The following NCKAP1 variants were observed in gnomAD, a reference collection of about 807,000 sequenced individuals.
NCKAP1 encodes the protein NCK associated protein 1.
A neutral mutation model predicts 151.2 loss-of-function variants in NCKAP1; 21 were observed. The observed-to-expected ratio is 0.14, with a 90% CI of 0.10 to 0.20. NCKAP1 has a LOEUF of 0.20. NCKAP1 is among the 10% of genes least tolerant of loss of function. The pLI, the probability that NCKAP1 is intolerant of heterozygous loss-of-function variation, is 1.00. For synonymous variants in NCKAP1, 484 were observed against 451.8 expected (o/e 1.07, Z -0.90); for missense variants, 933 against 1,352.1 (o/e 0.69, Z 4.86).
intron 12 of NCKAP1, among the ~76,000 whole-genome samples, 169 bp downstream of exon 12, chr2:182,982,652 T>C (rs940741146): frequency 3.9e-5 from 6 of 152,176 alleles, no homozygotes; most frequent in East Asian, 1.9e-4. Flanking sequence ...TCTGAGCACA[T>C]TGAAGGTAGG....
At chr2:182,976,300 C>G (rs1697822225) in intron 15 of NCKAP1, among the ~76,000 whole-genome samples, 1 of 152,126 alleles carries the variant, frequency 6.6e-6, no homozygotes, top group Admixed American at 6.6e-5. Flanking sequence ...AATGAACACT[C>G]TAAGTCTAAT....
At chr2:182,971,211 G>A (rs570591252) in intron 15 of NCKAP1, among the ~76,000 whole-genome samples, 6 of 151,100 alleles carry the variant, frequency 4.0e-5, no homozygotes, top group East Asian at 1.9e-4. Context: ...CGGCTAAAAC[G>A]GTGAAACCCC....
chr2:182,918,016 T>G lies in NCKAP1; in HGVS notation c.*7686A>C, dbSNP rs891862244. 1 of 152,024 alleles carries G rather than the reference T, an allele frequency of 6.6e-6. No individual in the cohort carries two copies. Among genetic ancestry groups the G allele is most frequent in the African/African-American group, 2.4e-5 (1 of 41,390 alleles). 9.4% of individuals were successfully genotyped at this position (152,024 alleles called of 1,614,324 possible). A position where few individuals can be genotyped will look rare whatever the true frequency, so the allele number is the denominator to read the frequency against. On this transcript the variant is annotated 3_prime_UTR_variant, in exon 31 of 31. Transcript: ENST00000361354. The stretch of plus-strand genomic sequence containing the variant: ...TGCTTTGGGAAAGAACATGATACAG[T>G]AGAAAAAATATGGGCTGGAAATCCT...
At chr2:182,954,816 T>TAAAAA (rs1486267510) in intron 20 of NCKAP1, among the ~76,000 whole-genome samples, 3 of 151,548 alleles carry the variant, frequency 2.0e-5, no homozygotes, top group Non-Finnish European at 4.4e-5. Flanking sequence ...TTAAATAAAA[T>TAAAAA]AAAAAATCTT....
intron 18 of NCKAP1, among the ~76,000 whole-genome samples, chr2:182,959,601 G>T (rs181581605): frequency 5.0e-4 from 76 of 152,154 alleles, no homozygotes; most frequent in African/African-American, 1.7e-3. Context: ...AATAATAACA[G>T]CCATCTATGA....
chr2:182,966,303 T>C (rs1196484763), intron 16 of NCKAP1, among the ~76,000 whole-genome samples: 1 of 152,138 alleles, frequency 6.6e-6, no homozygotes, highest in East Asian at 1.9e-4. Context: ...TTTATTTATT[T>C]ATGAGACAGT....
At chr2:182,933,354 A>T (rs1357183539) in intron 26 of NCKAP1, among the ~76,000 whole-genome samples, 1 of 151,814 alleles carries the variant, frequency 6.6e-6, no homozygotes, top group Non-Finnish European at 1.5e-5. Context: ...AAGAAGTGGC[A>T]GAAGATAAGC....
At chr2:182,933,640 A>T (rs1696811582) in intron 26 of NCKAP1, among the ~76,000 whole-genome samples, 1 of 151,776 alleles carries the variant, frequency 6.6e-6, no homozygotes, top group Non-Finnish European at 1.5e-5. Context: ...TGATCCACCC[A>T]CCTTGCTCAG....
At chr2:183,022,040 C>T (rs1489332321) in intron 2 of NCKAP1, among the ~76,000 whole-genome samples, 1 of 152,002 alleles carries the variant, frequency 6.6e-6, no homozygotes, top group Non-Finnish European at 1.5e-5. Flanking sequence ...CAAAAAACAA[C>T]AGGATGATAA....
chr2:183,034,462 A>G (rs556366945), intron 1 of NCKAP1, among the ~76,000 whole-genome samples: 1 of 152,172 alleles, frequency 6.6e-6, no homozygotes, highest in South Asian at 2.1e-4. Flanking sequence ...GTATTAACTA[A>G]GATCTTTTTA....
chr2:183,023,817 G>A lies in NCKAP1; in HGVS notation c.208C>T (p.Arg70Cys). 2 of 1,607,764 alleles carry A rather than the reference G, an allele frequency of 1.2e-6. No individual in the cohort carries two copies. Among genetic ancestry groups the A allele is most frequent in the Non-Finnish European group, 1.7e-6 (2 of 1,174,942 alleles). The change falls in exon 2 of 31, where the codon CGC becomes TGC. Residue 70 changes from arginine (R) to cysteine (C), a missense_variant. By Grantham distance (180) the Arg-to-Cys change is radical. Transcript: ENST00000361354. ...TTTAGATAACTTACATTGTTGTTGC[G>A]GGTTTCTACAGCAGGGAATTTTCTG... is the stretch of plus-strand genomic sequence containing the variant. ...IVRKFPAVET[R>C]NNNQQLAQLQ...
At chr2:182,947,821 C>A (rs186653786) in intron 23 of NCKAP1, among the ~76,000 whole-genome samples, 12 of 152,252 alleles carry the variant, frequency 7.9e-5, no homozygotes, top group Admixed American at 7.8e-4. Context: ...TAGTATACAA[C>A]ACACTGAATT....
At chr2:183,028,015 T>C (rs1042700526) in intron 1 of NCKAP1, among the ~76,000 whole-genome samples, 4 of 152,144 alleles carry the variant, frequency 2.6e-5, no homozygotes, top group African/African-American at 9.7e-5. Context: ...CATTTTAGAC[T>C]AATATATTTC....
chr2:183,000,348 G>A (rs1253786685), intron 6 of NCKAP1, among the ~76,000 whole-genome samples: 1 of 152,100 alleles, frequency 6.6e-6, no homozygotes, highest in Admixed American at 6.6e-5. Context: ...AAAGCCGAGA[G>A]CCTAGCTTGG....
chr2:182,969,214 A>G (rs1697636562), intron 15 of NCKAP1, among the ~76,000 whole-genome samples: 1 of 152,228 alleles, frequency 6.6e-6, no homozygotes, highest in Non-Finnish European at 1.5e-5. Flanking sequence ...GCCACAAAAC[A>G]AAGTTCAACA....
intron 24 of NCKAP1, among the ~76,000 whole-genome samples, chr2:182,940,807 A>G (rs1270063862): frequency 6.6e-6 from 1 of 152,256 alleles, no homozygotes; most frequent in Non-Finnish European, 1.5e-5. Context: ...CGTATGACAC[A>G]TATGATAGAT....
chr2:182,951,213 T>C (rs1159587562), intron 23 of NCKAP1, among the ~76,000 whole-genome samples: 1 of 152,174 alleles, frequency 6.6e-6, no homozygotes, highest in Non-Finnish European at 1.5e-5. Context: ...ACACTGACTC[T>C]TGCTATTTAT....
At chr2:182,942,791 T>C (rs1471543267) in intron 23 of NCKAP1, among the ~76,000 whole-genome samples, 4 of 151,954 alleles carry the variant, frequency 2.6e-5, no homozygotes, top group African/African-American at 7.3e-5. Flanking sequence ...AAGAAAAGTA[T>C]AACTCATTGA....
In NCKAP1 at chr2:182,967,502, G is replaced by T. The variant is rs981869313; in HGVS notation, c.1483-141C>A. 6.8e-6 allele frequency: 5 copies of T among 736,980 alleles called. No homozygotes were observed. In the African/African-American group the frequency reaches 7.2e-5, roughly 11 times the overall value. The allele number at this position is 736,980 out of a possible 1,614,324, so 45.7% of individuals were successfully genotyped here. Reference sequence around the variant, plus strand: ...GACAGTAACATCTACTGTGTTAGTTGTCTGTAGTGACCCTACCTTGAAATT... The same window carrying T: ...GACAGTAACATCTACTGTGTTAGTTTTCTGTAGTGACCCTACCTTGAAATT... On this transcript the variant is annotated intron_variant, in intron 15 of 30. Coordinates refer to ENST00000361354, the MANE Select transcript of NCKAP1 (RefSeq NM_013436.5).
Sources: allele counts gnomAD v4.1 joint callset (sites outside exome capture counted in the v4.1 genomes callset), GRCh38; gene constraint gnomAD v4.1.1; transcripts MANE v1.5; gene names NCBI Gene and HGNC (gene_info 2026-07-23, HGNC 2026-07-21).